Variants in PPM1D observed in about 807,000 individuals in gnomAD.
The protein encoded by PPM1D is protein phosphatase, Mg2+/Mn2+ dependent 1D.
A neutral mutation model predicts 58.3 loss-of-function variants in PPM1D; 52 were observed. The observed-to-expected ratio is 0.89, with a 90% CI of 0.71 to 1.12. PPM1D has a LOEUF of 1.12. Among genes scored for constraint, PPM1D ranks in the 50% most tolerant of loss-of-function variants. The pLI, the probability that PPM1D is intolerant of heterozygous loss-of-function variation, is 0.00. For synonymous variants in PPM1D, 278 were observed against 285.1 expected (o/e 0.98, Z 0.25); for missense variants, 564 against 777.2 (o/e 0.73, Z 3.26).
chr17:60,655,857 G>A (rs2031429053), intron 4 of PPM1D, among the ~76,000 whole-genome samples: 1 of 151,176 alleles, frequency 6.6e-6, no homozygotes, highest in Non-Finnish European at 1.5e-5. Context: ...ATGTGCCGTC[G>A]CGCCCGGCTA....
At chr17:60,660,685 C>T (rs1490101398) in intron 5 of PPM1D, among the ~76,000 whole-genome samples, 1 of 151,780 alleles carries the variant, frequency 6.6e-6, no homozygotes, top group East Asian at 1.9e-4. Flanking sequence ...CGCTTGAACC[C>T]GGGAGGCAGA....
intron 3 of PPM1D, among the ~76,000 whole-genome samples, chr17:60,641,025 C>G (rs1421135203): frequency 2.0e-5 from 3 of 151,716 alleles, no homozygotes; most frequent in Non-Finnish European, 4.4e-5. Context: ...TAAGTAGATT[C>G]CTTGTCTTTG....
chr17:60,601,148 C>T (rs552264480), intron 1 of PPM1D, among the ~76,000 whole-genome samples: 7 of 152,240 alleles, frequency 4.6e-5, no homozygotes, highest in Non-Finnish European at 1.0e-4. Flanking sequence ...GCAGTCCACT[C>T]CCTTCCCTGC....
chr17:60,611,343 C>G (rs1249098877), intron 1 of PPM1D, among the ~76,000 whole-genome samples: 1 of 151,898 alleles, frequency 6.6e-6, no homozygotes, highest in Non-Finnish European at 1.5e-5. Flanking sequence ...TATGAAATAC[C>G]TTTTAATTTT....
At chr17:60,654,340 C>T (rs1222429200) in intron 4 of PPM1D, among the ~76,000 whole-genome samples, 2 of 139,376 alleles carry the variant, frequency 1.4e-5, no homozygotes, top group East Asian at 2.3e-4. Flanking sequence ...GGTGCGATCC[C>T]GGCTCACTGC....
intron 3 of PPM1D, among the ~76,000 whole-genome samples, chr17:60,642,300 AAG>A (rs2031149501): frequency 6.6e-6 from 1 of 152,128 alleles, no homozygotes. Context: ...TTGAATAAAA[AAG>A]AATCTGTAAG....
chr17:60,602,633 T>C (rs1221696198), intron 1 of PPM1D, among the ~76,000 whole-genome samples: 1 of 152,110 alleles, frequency 6.6e-6, no homozygotes, highest in Non-Finnish European at 1.5e-5. Context: ...TAAATGTAAA[T>C]ATGTATGGTT....
chr17:60,621,766 G>T (rs2030708449), intron 1 of PPM1D, among the ~76,000 whole-genome samples: 3 of 149,064 alleles, frequency 2.0e-5, no homozygotes, highest in Non-Finnish European at 4.5e-5. Context: ...GTAGAAACGG[G>T]GTTTCACCAT....
At chr17:60,624,008 C>T (rs1008418222) in intron 2 of PPM1D, among the ~76,000 whole-genome samples, 1 of 152,178 alleles carries the variant, frequency 6.6e-6, no homozygotes, top group African/African-American at 2.4e-5. Flanking sequence ...CAAGGTTTTA[C>T]TGAAAACCTT....
intron 4 of PPM1D, among the ~76,000 whole-genome samples, chr17:60,650,433 C>G (rs1206382894): frequency 6.6e-6 from 1 of 152,162 alleles, no homozygotes; most frequent in Non-Finnish European, 1.5e-5. Context: ...CACCTGTAAT[C>G]CCAGTTACTC....
intron 4 of PPM1D, among the ~76,000 whole-genome samples, chr17:60,649,982 A>C (rs2031314735): frequency 6.6e-6 from 1 of 152,170 alleles, no homozygotes; most frequent in Admixed American, 6.5e-5. Flanking sequence ...TTCTTTAATG[A>C]TCTGAGAGAG....
intron 2 of PPM1D, among the ~76,000 whole-genome samples, chr17:60,625,920 G>T (rs1036335912): frequency 6.6e-6 from 1 of 152,074 alleles, no homozygotes; most frequent in Non-Finnish European, 1.5e-5. Context: ...TGCTATGGAA[G>T]GTCTCTCAGC....
At chr17:60,662,954 GATAA>G in intron 5 of PPM1D, 37 bp from the exon 6 acceptor site, 1 of 1,532,268 alleles carries the variant, frequency 6.5e-7, no homozygotes, top group East Asian at 2.3e-5. Context: ...TGAGTTCTGG[GATAA>G]ATTTTTTCTT....
intron 2 of PPM1D, among the ~76,000 whole-genome samples, chr17:60,630,783 G>A (rs549493043): frequency 1.6e-4 from 24 of 152,310 alleles, no homozygotes; most frequent in African/African-American, 4.8e-4. Context: ...GTTGGAAGCA[G>A]CTACTGTAAA....
At chr17:60,655,800 C>G (rs564749366) in intron 4 of PPM1D, among the ~76,000 whole-genome samples, 4 of 151,516 alleles carry the variant, frequency 2.6e-5, no homozygotes, top group African/African-American at 7.3e-5. Context: ...CTCCTGGGTT[C>G]AAGCGATTCT....
Position 60,621,073 on chromosome 17 carries a change from C to A in PPM1D, c.473-2448C>A, listed in dbSNP as rs537690847. On this transcript the variant is annotated intron_variant, in intron 1 of 5. Transcript: ENST00000305921. ...GAGTAGCTGGGATTACAGGCGCACA[C>A]CACCACATCTGGCTAATTTTTATAT... 2.4e-4 allele frequency among the ~76,000 whole-genome samples: 37 copies of A among 151,870 alleles called. 1 individual carries two copies. The highest frequency in any genetic ancestry group is 8.0e-4 in the African/African-American group (33 of 41,422).
At chr17:60,618,573 G>A (rs914346662) in intron 1 of PPM1D, among the ~76,000 whole-genome samples, 3 of 152,254 alleles carry the variant, frequency 2.0e-5, no homozygotes, top group Admixed American at 6.5e-5. Flanking sequence ...ATATTTTGTG[G>A]CTGTTTGGAT....
intron 5 of PPM1D, among the ~76,000 whole-genome samples, chr17:60,658,702 G>C (rs1317890146): frequency 6.6e-6 from 1 of 151,618 alleles, no homozygotes; most frequent in Non-Finnish European, 1.5e-5. Context: ...GGTGGCTCAC[G>C]CCTGTAATCC....
chr17:60,663,077 A>T lies in PPM1D; in HGVS notation c.1343A>T (p.Asn448Ile), dbSNP rs200334649. The T allele has an allele frequency of 1.9e-6, 3 of 1,614,108 alleles. No individual in the cohort carries two copies. Among genetic ancestry groups the T allele is most frequent in the Non-Finnish European group, 2.5e-6 (3 of 1,179,998 alleles). ...GTTCGTAGCAATGCCTTCTCAGAGA[A>T]TTTTTTAGAGGTTTCAGCTGAGATA... is the stretch of plus-strand genomic sequence containing the variant. ...ALVRSNAFSE[N>I]FLEVSAEIAR... is the part of the protein sequence containing the mutation. The change falls in exon 6 of 6, where the codon AAT becomes ATT. Residue 448 changes from asparagine to isoleucine, a missense_variant. By Grantham distance (149) the Asn-to-Ile change is moderately radical. Coordinates refer to ENST00000305921, the MANE Select transcript of PPM1D (RefSeq NM_003620.4).
Sources: gnomAD v4.1 joint callset for allele counts (sites outside exome capture counted in the v4.1 genomes callset) on GRCh38, gnomAD v4.1.1 for gene constraint, MANE v1.5 for transcripts, NCBI Gene and HGNC (gene_info 2026-07-23, HGNC 2026-07-21) for gene names.